Variants in JARID2 observed in about 807,000 individuals in gnomAD.
JARID2 encodes the protein protein Jumonji.
A neutral mutation model predicts 125.6 loss-of-function variants in JARID2; 21 were observed. That is an observed-to-expected ratio of 0.17 (90% CI 0.12 to 0.24). The LOEUF is 0.24. JARID2 is among the 10% of genes least tolerant of loss of function. The pLI, the probability that JARID2 is intolerant of heterozygous loss-of-function variation, is 1.00. For synonymous variants in JARID2, 736 were observed against 661.6 expected, an observed-to-expected ratio of 1.11 and a Z score of -1.73; for missense variants, 1,303 against 1,639.6, an observed-to-expected ratio of 0.79 and a Z score of 3.55.
chr6:15,401,770 T>A (rs1765444932), intron 2 of JARID2, among the ~76,000 whole-genome samples: 1 of 152,206 alleles, frequency 6.6e-6, no homozygotes, highest in South Asian at 2.1e-4. Flanking sequence ...CCTCAAATCT[T>A]AGCAGATTCC....
intron 1 of JARID2, among the ~76,000 whole-genome samples, chr6:15,289,499 C>T (rs1439075805): frequency 6.6e-6 from 1 of 151,976 alleles, no homozygotes; most frequent in Non-Finnish European, 1.5e-5. Context: ...TCTTAAAGTG[C>T]TGGGATTACA....
intron 1 of JARID2, among the ~76,000 whole-genome samples, chr6:15,346,497 G>C (rs563507930): frequency 6.6e-6 from 1 of 152,228 alleles, no homozygotes; most frequent in South Asian, 2.1e-4. Context: ...GATTTTCTGG[G>C]TTTGCAGGGC....
chr6:15,336,013 G>A (rs1226514960), intron 1 of JARID2, among the ~76,000 whole-genome samples: 1 of 152,172 alleles, frequency 6.6e-6, no homozygotes, highest in Non-Finnish European at 1.5e-5. Flanking sequence ...TTGAGCTGAG[G>A]ATTGGAGGTT....
intron 2 of JARID2, among the ~76,000 whole-genome samples, chr6:15,388,609 T>G (rs1764879832): frequency 6.7e-6 from 1 of 148,530 alleles, no homozygotes; most frequent in Admixed American, 6.7e-5. Context: ...ATAATTTTTC[T>G]ACAACAAACT....
chr6:15,275,021 T>C (rs1760442306), intron 1 of JARID2, among the ~76,000 whole-genome samples: 1 of 152,196 alleles, frequency 6.6e-6, no homozygotes, highest in Non-Finnish European at 1.5e-5. Flanking sequence ...GCCCTTCTGG[T>C]TTCCCATTTT....
chr6:15,422,008 A>G (rs1371643731), intron 3 of JARID2, among the ~76,000 whole-genome samples: 1 of 152,206 alleles, frequency 6.6e-6, no homozygotes, highest in Non-Finnish European at 1.5e-5. Flanking sequence ...GCCTTGCTTC[A>G]TTATAAACTG....
intron 6 of JARID2, 120 bp from the exon 7 acceptor site, chr6:15,496,012 C>A: frequency 1.3e-6 from 1 of 781,302 alleles, no homozygotes; most frequent in Non-Finnish European, 2.1e-6. Flanking sequence ...TATCACACTA[C>A]AGGCTGCTGG....
chr6:15,313,186 A>ATG (rs1762073192), intron 1 of JARID2, among the ~76,000 whole-genome samples: 1 of 152,176 alleles, frequency 6.6e-6, no homozygotes. Flanking sequence ...TAGGGAGAAT[A>ATG]TGTTGACTTA....
chr6:15,388,354 T>C (rs559987198), intron 2 of JARID2, among the ~76,000 whole-genome samples: 1 of 152,078 alleles, frequency 6.6e-6, no homozygotes, highest in Non-Finnish European at 1.5e-5. Flanking sequence ...TCTGGGAAAT[T>C]ACCCTACAGT....
chr6:15,515,681 C>T (rs768427057), intron 16 of JARID2, among the ~76,000 whole-genome samples: 1 of 150,986 alleles, frequency 6.6e-6, no homozygotes, highest in Non-Finnish European at 1.5e-5. Flanking sequence ...CCCAGAAGTT[C>T]AAGGCTACAG....
intron 1 of JARID2, among the ~76,000 whole-genome samples, chr6:15,348,121 T>C (rs1763303663): frequency 6.6e-6 from 1 of 151,704 alleles, no homozygotes. Flanking sequence ...AGATGGAGTC[T>C]AGCTCTGTCA....
At chr6:15,500,801 A>C (rs1373997257) in intron 7 of JARID2, 106 bp from the exon 8 acceptor site, 1 of 945,320 alleles carries the variant, frequency 1.1e-6, no homozygotes, top group Non-Finnish European at 1.6e-6. Context: ...AGCCTGTCAG[A>C]GTCCTGGCTC....
intron 1 of JARID2, among the ~76,000 whole-genome samples, chr6:15,276,000 C>T (rs1447883782): frequency 2.6e-5 from 4 of 152,162 alleles, no homozygotes; most frequent in Non-Finnish European, 4.4e-5. Flanking sequence ...AGAATGTTCA[C>T]TGAGCAGCTT....
intron 3 of JARID2, among the ~76,000 whole-genome samples, chr6:15,450,946 TGAGGTCAG>T (rs1275760794): frequency 6.6e-6 from 1 of 152,140 alleles, no homozygotes. Flanking sequence ...GTGGATCACC[TGAGGTCAG>T]GAGTTCAAGA....
chr6:15,252,447 C>G (rs988373741), intron 1 of JARID2, among the ~76,000 whole-genome samples: 1 of 152,146 alleles, frequency 6.6e-6, no homozygotes, highest in Non-Finnish European at 1.5e-5. Flanking sequence ...GACTCCCTGT[C>G]TGCTTCATGC....
intron 1 of JARID2, among the ~76,000 whole-genome samples, chr6:15,356,399 T>C (rs1197294907): frequency 6.6e-6 from 1 of 152,226 alleles, no homozygotes; most frequent in Non-Finnish European, 1.5e-5. Context: ...TTTCTTCATC[T>C]TCACCAACGT....
At chr6:15,276,216 A>G (rs955701577) in intron 1 of JARID2, among the ~76,000 whole-genome samples, 1 of 152,192 alleles carries the variant, frequency 6.6e-6, no homozygotes, top group Non-Finnish European at 1.5e-5. Context: ...ATTTTGTGTT[A>G]GTGCCTCTCC....
At chr6:15,469,132 A>G (rs1768893315) in intron 5 of JARID2, among the ~76,000 whole-genome samples, 1 of 151,886 alleles carries the variant, frequency 6.6e-6, no homozygotes, top group African/African-American at 2.4e-5. Context: ...TCTGAAGTGG[A>G]CTGATTTTCC....
Position 15,446,438 on chromosome 6 carries a change from G to C in JARID2, c.324-5568G>C, listed in dbSNP as rs755428304. ...TGTGCGGGAAGTGGCCTCTATTACA[G>C]AGTAACAGGCCTGGATTGTTTGCTT... On this transcript the variant is annotated intron_variant, in intron 3 of 17. Transcript: ENST00000341776. Among the ~76,000 whole-genome samples, 3 of 152,232 alleles carry C rather than the reference G, an allele frequency of 2.0e-5. No individual in the cohort carries two copies. In the South Asian group the frequency reaches 6.2e-4, roughly 32 times the overall value.
Sources: allele counts gnomAD v4.1 joint callset (sites outside exome capture counted in the v4.1 genomes callset), GRCh38; gene constraint gnomAD v4.1.1; transcripts MANE v1.5; gene names NCBI Gene and HGNC (gene_info 2026-07-23, HGNC 2026-07-21).